The following NLRP7 variants were observed in gnomAD, a reference collection of about 807,000 sequenced individuals.
NLRP7 encodes NLR family pyrin domain containing 7.
NLRP7 carries 72 observed loss-of-function variants against 85.5 expected under a neutral mutation model. The ratio of observed to expected loss-of-function variants is 0.84; its 90% CI spans 0.70 to 1.02. NLRP7 has a LOEUF of 1.02. Among genes scored for constraint, NLRP7 ranks in the 50% least tolerant of loss-of-function variants. The pLI is 0.00. For missense variants in NLRP7, 1,243 were observed against 1,219.5 expected (o/e 1.02, Z -0.29); for synonymous variants, 550 against 505.2 (o/e 1.09, Z -1.19).
rs2069389553 is a variant in NLRP7, at chr19:54,944,707, A to G, written c.-40+2762T>C. The stretch of plus-strand genomic sequence containing the variant: ...ATATCCTATTTTAGGATGGAGCAGG[A>G]AGAGCATGAGAGCCCAGGAGTTCCA... On this transcript the variant is annotated intron_variant, in intron 1 of 9. Coordinates refer to ENST00000340844, the Ensembl canonical transcript of NLRP7. Among the ~76,000 whole-genome samples, 3 of 152,032 alleles carry G rather than the reference A, an allele frequency of 2.0e-5. No homozygotes were observed. The South Asian group carries it at 6.2e-4, about 32-fold the overall frequency.
chr19:54,939,594 G>A (rs746094829), exon 4 of NLRP7: 6 of 1,611,160 alleles, frequency 3.7e-6, no homozygotes, highest in Middle Eastern at 1.8e-4. Context: ...AGCGCGCCCC[G>A]CAGCTGTGCG....
At chr19:54,942,384 CACACTGATAGT>C (rs1337569045) in intron 1 of NLRP7, among the ~76,000 whole-genome samples, 1 of 151,672 alleles carries the variant, frequency 6.6e-6, no homozygotes, top group Non-Finnish European at 1.5e-5. Context: ...GCTGTGATTT[CACACTGATAGT>C]ACAAAATCAC....
At position 54,927,599 on chromosome 19, in the gene NLRP7, C is replaced by T. The variant is rs749711831; in HGVS notation, c.2810+2900G>A. 1 of 1,613,556 alleles carries T rather than the reference C, an allele frequency of 6.2e-7. No homozygotes were observed. Among genetic ancestry groups the T allele is most frequent in the Non-Finnish European group, 8.5e-7 (1 of 1,179,702 alleles). On this transcript the variant is annotated intron_variant, in intron 9 of 9. Transcript: ENST00000340844. ...AACAAAACAAAACAAAACAAAAAAC[C>T]CATACCTGAGTATCTTCAAGGATCC...
chr19:54,923,898 T>A, intron 9 of NLRP7, 26 bp from the exon 11 acceptor site: 1 of 1,608,594 alleles, frequency 6.2e-7, no homozygotes. Context: ...AACACAAATG[T>A]TCCCAGAAAT....
rs771069246 is a variant in NLRP7, at chr19:54,940,214, G to C, written c.605C>G (p.Pro202Arg). ...GAGGTAGAACGCGTATCTGAGCGTC[G>C]GGCTGAGGTTGCAGTCTGTCCAGTC... The change falls in exon 4 of 10, where the codon CCG becomes CGG. Residue 202 changes from proline to arginine, a missense_variant. This residue lies in a region of NLRP7 where 591 missense variants were observed against 563.3 expected (regional missense o/e 1.05). Transcript: ENST00000340844. 3.1e-6 allele frequency: 5 copies of C among 1,614,158 alleles called. No individual in the cohort carries two copies. The highest frequency in any genetic ancestry group is 2.2e-5 in the South Asian group (2 of 91,082).
upstream of NLRP7, among the ~76,000 whole-genome samples, chr19:54,951,777 G>A (rs1242867491): frequency 6.6e-6 from 1 of 150,608 alleles, no homozygotes; most frequent in Non-Finnish European, 1.5e-5. Context: ...TTGAGACGGA[G>A]TCTCGCTCTG....
Position 54,939,590 on chromosome 19 carries a change from C to A in NLRP7, c.1229G>T (p.Gly410Val), listed in dbSNP as rs776464971. The A allele has an allele frequency of 4.3e-6, 7 of 1,611,548 alleles. No homozygotes were observed. In the Admixed American group the frequency reaches 1.0e-4, roughly 23 times the overall value. ...CAGGAGGCTCAGCGTCCGCAGCGCG[C>A]CCCGCAGCTGTGCGCCCTGCGGGAA... Residue 410 changes from glycine to valine, a missense_variant, in exon 4 of 10, where the codon GGC (glycine) becomes GTC (valine). Gly to Val is a moderately radical substitution (Grantham distance 109). Around this residue, in one of 3 missense-constraint regions of NLRP7, gnomAD observed 591 missense variants for 563.3 expected, o/e 1.05. Coordinates refer to ENST00000340844, the Ensembl canonical transcript of NLRP7.
rs374829281 is a variant in NLRP7, at chr19:54,935,268, T to C, written c.2301-609A>G. On this transcript the variant is annotated intron_variant, in intron 6 of 9. Coordinates refer to ENST00000340844, the Ensembl canonical transcript of NLRP7. ...TTTTTGAGACAGGATCTCGCTCTGT[T>C]GCCCAGGCTGGAGTGCAGTGGCATG... Among the ~76,000 whole-genome samples, 159 of 152,134 alleles carry C rather than the reference T, an allele frequency of 1.0e-3. 1 individual carries two copies. The highest frequency in any genetic ancestry group is 6.8e-3 in the Middle Eastern group (2 of 294).
intron 1 of NLRP7, among the ~76,000 whole-genome samples, chr19:54,945,749 G>A (rs753163309): frequency 2.0e-5 from 3 of 150,390 alleles, no homozygotes; most frequent in African/African-American, 2.4e-5. Context: ...CAGGCGCACC[G>A]CATCACGCCG....
At chr19:54,956,072 C>T (rs191802166) in intron 1 of NLRP7, among the ~76,000 whole-genome samples, 530 of 145,440 alleles carry the variant, frequency 3.6e-3, no homozygotes, top group Non-Finnish European at 6.5e-3. Flanking sequence ...ACTGGGAGGT[C>T]ATGGCTACAG....
chr19:54,952,414 G>A (rs2069698654), upstream of NLRP7, among the ~76,000 whole-genome samples: 1 of 151,954 alleles, frequency 6.6e-6, no homozygotes, highest in African/African-American at 2.4e-5. Context: ...CCAACATAGT[G>A]AAACCCCGTT....
chr19:54,937,344 A>C (rs954556520), intron 5 of NLRP7, among the ~76,000 whole-genome samples: 2 of 151,832 alleles, frequency 1.3e-5, no homozygotes, highest in African/African-American at 4.8e-5. Flanking sequence ...TGTGTAACTA[A>C]CCTGTACTTG....
At chr19:54,927,817 GGT>G in intron 9 of NLRP7, 42 bp from the exon 10 acceptor site, 1 of 1,586,242 alleles carries the variant, frequency 6.3e-7, no homozygotes, top group South Asian at 1.1e-5. Context: ...TCACTGAGCA[GGT>G]AGTGGCTCAA....
At chr19:54,958,096 TC>T (rs2069918375) in intron 1 of NLRP7, among the ~76,000 whole-genome samples, 1 of 151,982 alleles carries the variant, frequency 6.6e-6, no homozygotes, top group East Asian at 1.9e-4. Context: ...GAGCCTGTAA[TC>T]CCAGCTACTT....
chr19:54,931,959 G>C (rs2068698805), intron 8 of NLRP7, among the ~76,000 whole-genome samples: 2 of 152,066 alleles, frequency 1.3e-5, no homozygotes, highest in African/African-American at 4.8e-5. Flanking sequence ...TCTGAGCCCT[G>C]GGTCACTTAT....
intron 8 of NLRP7, among the ~76,000 whole-genome samples, chr19:54,933,101 C>A (rs1438008560): frequency 6.6e-6 from 1 of 152,122 alleles, no homozygotes; most frequent in Non-Finnish European, 1.5e-5. Flanking sequence ...GCTCTGCTGA[C>A]ATGCAAATAT....
intron 9 of NLRP7, among the ~76,000 whole-genome samples, chr19:54,928,078 T>G (rs928642293): frequency 6.6e-6 from 1 of 152,036 alleles, no homozygotes; most frequent in African/African-American, 2.4e-5. Flanking sequence ...AAATTAGCCA[T>G]GCATGGTGGT....
At chr19:54,950,744 G>T (rs551836055), upstream of NLRP7, among the ~76,000 whole-genome samples, 6 of 151,362 alleles carry the variant, frequency 4.0e-5, no homozygotes, top group East Asian at 1.2e-3. Flanking sequence ...GCCCAGGGAC[G>T]AGCAGGAGAC....
At chr19:54,927,568 A>T in intron 9 of NLRP7, 37 bp downstream of exon 10, 1 of 1,555,400 alleles carries the variant, frequency 6.4e-7, no homozygotes, top group Non-Finnish European at 8.7e-7. Flanking sequence ...AAAAACAAAA[A>T]CAAAAAACAA....
Sources: allele counts gnomAD v4.1 joint callset (sites outside exome capture counted in the v4.1 genomes callset), GRCh38; gene constraint gnomAD v4.1.1; regional missense constraint gnomAD v4.1.1; transcripts MANE v1.5; gene names NCBI Gene and HGNC (gene_info 2026-07-23, HGNC 2026-07-21).